SP3: variants seen among roughly 807,000 people sequenced by gnomAD.
SP3 encodes transcription factor Sp3.
In SP3, 10 loss-of-function variants were observed where a neutral mutation model predicts 70.3. The ratio of observed to expected loss-of-function variants is 0.14; its 90% confidence interval spans 0.09 to 0.24. The LOEUF (loss-of-function observed/expected upper bound fraction) is 0.24. Among genes scored for constraint, SP3 ranks in the 10% least tolerant of loss-of-function variants. The pLI, the probability that SP3 is intolerant of heterozygous loss-of-function variation, is 1.00. For missense variants in SP3, 825 were observed against 914.6 expected (o/e 0.90, Z 1.26); for synonymous variants, 402 against 333.5 (o/e 1.21, Z -2.24).
In SP3 at chr2:173,903,261, T is replaced by C; in HGVS notation, c.*6680A>G. On this transcript the variant is annotated 3_prime_UTR_variant, in exon 7 of 7. Coordinates refer to ENST00000310015, the MANE Select transcript of SP3 (RefSeq NM_003111.5). ...AAGTGGTTTACATGCATTAACTTATTTATCTCCATAATCACTCTATGAAGA... is the reference window on the plus strand; with the variant it reads ...AAGTGGTTTACATGCATTAACTTATCTATCTCCATAATCACTCTATGAAGA... 6.6e-6 allele frequency among the ~76,000 whole-genome samples: 1 copy of C among 150,564 alleles called. No homozygotes were observed. The highest frequency in any genetic ancestry group is 1.9e-4 in the East Asian group (1 of 5,204).
rs1689306691 is a variant in SP3, at chr2:173,906,034, A to C, written c.*3907T>G. 6.6e-6 allele frequency among the ~76,000 whole-genome samples: 1 copy of C among 152,102 alleles called. No homozygotes were observed. The highest frequency in any genetic ancestry group is 2.4e-5 in the African/African-American group (1 of 41,402). The stretch of plus-strand genomic sequence containing the variant: ...AACAATAAACCCTGGACTAGAATGA[A>C]TTTTTCTGGGGAGAAGGTGTAGGAT... On this transcript the variant is annotated 3_prime_UTR_variant, in exon 7 of 7. Transcript: ENST00000310015.
chr2:173,943,788 CACTT>C (rs1186521665), intron 4 of SP3, among the ~76,000 whole-genome samples: 1 of 152,212 alleles, frequency 6.6e-6, no homozygotes, highest in Non-Finnish European at 1.5e-5. Flanking sequence ...AACCATTTGT[CACTT>C]AATGACTGGG....
At chr2:173,924,367 G>C (rs1261302167) in intron 4 of SP3, among the ~76,000 whole-genome samples, 3 of 152,196 alleles carry the variant, frequency 2.0e-5, no homozygotes, top group Non-Finnish European at 4.4e-5. Flanking sequence ...AAATATGTGA[G>C]AAAAAGATGA....
At chr2:173,944,996 A>G (rs1029064507) in intron 4 of SP3, among the ~76,000 whole-genome samples, 2 of 152,216 alleles carry the variant, frequency 1.3e-5, no homozygotes, top group African/African-American at 4.8e-5. Context: ...GATGCATTTA[A>G]TAAGTTGAAT....
intron 6 of SP3, among the ~76,000 whole-genome samples, chr2:173,912,848 C>T (rs745430899): frequency 2.0e-5 from 3 of 152,054 alleles, no homozygotes; most frequent in Non-Finnish European, 4.4e-5. Flanking sequence ...AAAAGCCACC[C>T]AAAGTCTACT....
rs781054703 is a variant in SP3 at position 173,955,957 on chromosome 2, T to A, written c.555A>T (p.Gln185His). ...QIQSADGQQVQIGFTGSSDNG... is the reference protein window; with the variant it reads ...QIQSADGQQVHIGFTGSSDNG... ...TATCTGAAGAGCCTGTGAAACCAAT[T>A]TGAACCTGCTGACCATCTGCTGACT... Residue 185 changes from glutamine (Q) to histidine (H), a missense_variant, in exon 4 of 7, where the codon CAA (glutamine) becomes CAT (histidine). By Grantham distance (24) the Gln-to-His change is conservative (BLOSUM62 0). Transcript: ENST00000310015. 6.2e-7 allele frequency: 1 copy of A among 1,614,186 alleles called. No individual in the cohort carries two copies. Among genetic ancestry groups the A allele is most frequent in the South Asian group, 1.1e-5 (1 of 91,088 alleles).
At chr2:173,928,347 T>C (rs1689976521) in intron 4 of SP3, among the ~76,000 whole-genome samples, 1 of 152,170 alleles carries the variant, frequency 6.6e-6, no homozygotes, top group African/African-American at 2.4e-5. Context: ...ATATTAGTTT[T>C]ATACACTGGA....
At chr2:173,933,657 TATATATATATATATAA>T (rs1391265577) in intron 4 of SP3, among the ~76,000 whole-genome samples, 1 of 141,924 alleles carries the variant, frequency 7.0e-6, no homozygotes, top group Non-Finnish European at 1.5e-5. Context: ...TATATATATA[TATATATATATATATAA>T]AAGTTATAAA....
Position 173,901,097 on chromosome 2 carries a change from T to C in SP3, c.*8844A>G, listed in dbSNP as rs911163478. On this transcript the variant is annotated 3_prime_UTR_variant, in exon 7 of 7. Transcript: ENST00000310015. ...GGGCATTATAATCAGCAGGGAAACG[T>C]TGGACCATTCAATAAACTGCTAAGA... is the stretch of plus-strand genomic sequence containing the variant. Among the ~76,000 whole-genome samples the C allele has an allele frequency of 7.9e-5, 12 of 152,282 alleles. No individual in the cohort carries two copies. The highest frequency in any genetic ancestry group is 5.2e-4 in the Admixed American group (8 of 15,282).
rs750177307 is a variant in SP3 at position 173,964,489 on chromosome 2, A to ACCGCCG, written c.66_71dup (p.Gly28_Gly29dup). ...ACTCGCCGTGGCCGCCGCCGCCGCCACCGCCGCCGCCGCTATCCACGTCCA... is the reference window on the plus strand; with the variant it reads ...ACTCGCCGTGGCCGCCGCCGCCGCCACCGCCGCCGCCGCCGCCGCTATCCACGTCCA... On this transcript the variant is annotated inframe_insertion, in exon 2 of 7. Coordinates refer to ENST00000310015, the MANE Select transcript of SP3 (RefSeq NM_003111.5). 57 of 465,988 alleles carry ACCGCCG rather than the reference A, an allele frequency of 1.2e-4. No individual in the cohort carries two copies. The highest frequency in any genetic ancestry group is 1.7e-4 in the Non-Finnish European group (40 of 233,686). 28.9% of individuals were successfully genotyped at this position (465,988 alleles called of 1,614,324 possible).
At chr2:173,924,272 T>C (rs1036399259) in intron 4 of SP3, among the ~76,000 whole-genome samples, 4 of 152,216 alleles carry the variant, frequency 2.6e-5, no homozygotes, top group Non-Finnish European at 5.9e-5. Flanking sequence ...CAAATTATTT[T>C]ATATACACAT....
Position 173,955,615 on chromosome 2 carries a change from T to C in SP3, c.897A>G (p.Thr299=), listed in dbSNP as rs369422104. Residue 299 remains threonine (T), a synonymous_variant, in exon 4 of 7, where the codon ACA becomes ACG. Transcript: ENST00000310015. ...GINADGHLIN[T]GQAMDSSDNS... ...TGTCTGAACTATCCATAGCTTGTCCTGTGTTTATCAAATGTCCGTCGGCAT... is the reference window on the plus strand; with the variant it reads ...TGTCTGAACTATCCATAGCTTGTCCCGTGTTTATCAAATGTCCGTCGGCAT... 8 of 1,614,060 alleles carry C rather than the reference T, an allele frequency of 5.0e-6. No homozygotes were observed. The African/African-American group carries it at 6.7e-5, about 13-fold the overall frequency.
chr2:173,903,134 A>G lies in SP3; in HGVS notation c.*6807T>C, dbSNP rs918417871. Among the ~76,000 whole-genome samples, 2 of 152,260 alleles carry G rather than the reference A, an allele frequency of 1.3e-5. No homozygotes were observed. The highest frequency in any genetic ancestry group is 2.9e-5 in the Non-Finnish European group (2 of 68,038). ...CAAGGTGAATTAACTCATTAATACA[A>G]CAATAGTTGAAGACAACTATTTTCA... On this transcript the variant is annotated 3_prime_UTR_variant, in exon 7 of 7. Transcript: ENST00000310015.
At chr2:173,918,570 A>C in intron 5 of SP3, 23 bp downstream of exon 5, 3 of 1,602,978 alleles carry the variant, frequency 1.9e-6, no homozygotes, top group Non-Finnish European at 2.6e-6. Context: ...TTAAAAATAT[A>C]TATGTGTTTC....
At chr2:173,965,109 T>TCGGCGGCAGCGGCGG (rs1322766387) in intron 1 of SP3, 56 bp downstream of exon 1, 14 of 1,543,338 alleles carry the variant, frequency 9.1e-6, no homozygotes, top group East Asian at 7.4e-5. Context: ...CTGGCTGTGG[T>TCGGCGGCAGCGGCGG]CGGCGGCAGC....
intron 4 of SP3, among the ~76,000 whole-genome samples, chr2:173,939,846 A>G (rs1690315383): frequency 6.6e-6 from 1 of 151,150 alleles, no homozygotes; most frequent in Admixed American, 6.6e-5. Flanking sequence ...TTTAAAAATA[A>G]ATTTTTGTTA....
intron 4 of SP3, among the ~76,000 whole-genome samples, chr2:173,946,348 T>C (rs777005053): frequency 1.1e-4 from 16 of 151,970 alleles, no homozygotes; most frequent in Non-Finnish European, 2.2e-4. Flanking sequence ...GGGTCTATCT[T>C]GCCCAAGCTG....
At chr2:173,938,459 C>CAAA (rs747595137) in intron 4 of SP3, among the ~76,000 whole-genome samples, 100 of 46,056 alleles carry the variant, frequency 2.2e-3, no homozygotes, top group African/African-American at 4.1e-3. Flanking sequence ...AACTTTGCCT[C>CAAA]AAAAAAAAAA....
Position 173,932,585 on chromosome 2 carries a change from C to T in SP3, c.1640-13800G>A, listed in dbSNP as rs116120482. Among the ~76,000 whole-genome samples the T allele has an allele frequency of 5.3e-3, 801 of 152,294 alleles. 3 individuals carry two copies. The highest frequency in any genetic ancestry group is 0.018 in the African/African-American group (765 of 41,550). On this transcript the variant is annotated intron_variant, in intron 4 of 6. Coordinates refer to ENST00000310015, the MANE Select transcript of SP3 (RefSeq NM_003111.5). The stretch of plus-strand genomic sequence containing the variant: ...TGGTCGTTGCAACAGTCAGAACATA[C>T]AACCTTTATATCAATTAAGTTCACC...
Sources: allele counts gnomAD v4.1 joint callset (sites outside exome capture counted in the v4.1 genomes callset), GRCh38; gene constraint gnomAD v4.1.1; transcripts MANE v1.5; gene names NCBI Gene and HGNC (gene_info 2026-07-23, HGNC 2026-07-21).